The following SORCS2 variants were observed in gnomAD, a reference collection of about 807,000 sequenced individuals.
SORCS2 encodes the protein sortilin related VPS10 domain containing receptor 2.
A neutral mutation model predicts 141.6 loss-of-function variants in SORCS2; 100 were observed. The observed-to-expected ratio is 0.71, with a 90% CI of 0.60 to 0.83. The LOEUF (loss-of-function observed/expected upper bound fraction) is 0.83. SORCS2 is among the 40% of genes least tolerant of loss of function. The pLI, the probability that SORCS2 is intolerant of heterozygous loss-of-function variation, is 0.00. For missense variants in SORCS2, 1,646 were observed against 1,560.2 expected (o/e 1.05, Z -0.93); for synonymous variants, 789 against 676.9 (o/e 1.17, Z -2.57).
At chr4:7,524,151 G>A (rs551193245) in intron 2 of SORCS2, among the ~76,000 whole-genome samples, 1 of 152,314 alleles carries the variant, frequency 6.6e-6, no homozygotes, top group Admixed American at 6.5e-5. Context: ...CAGGGGTGAC[G>A]CTATTGGGTC....
chr4:7,468,371 C>A (rs1729749185), intron 2 of SORCS2, among the ~76,000 whole-genome samples: 1 of 152,240 alleles, frequency 6.6e-6, no homozygotes, highest in Non-Finnish European at 1.5e-5. Context: ...CCCCCTCACG[C>A]TATGTCTCCA....
chr4:7,204,008 G>A (rs996150647), intron 1 of SORCS2, among the ~76,000 whole-genome samples: 1 of 152,016 alleles, frequency 6.6e-6, no homozygotes, highest in Non-Finnish European at 1.5e-5. Flanking sequence ...CTTTTTTTAC[G>A]GCTGAGTAAT....
intron 2 of SORCS2, among the ~76,000 whole-genome samples, chr4:7,490,642 T>C (rs1731260992): frequency 6.6e-6 from 1 of 152,064 alleles, no homozygotes; most frequent in Admixed American, 6.5e-5. Context: ...CTCAGATAGC[T>C]CAGTTCCCAG....
intron 3 of SORCS2, among the ~76,000 whole-genome samples, chr4:7,600,259 C>A (rs530681729): frequency 1.3e-5 from 2 of 152,292 alleles, no homozygotes; most frequent in African/African-American, 4.8e-5. Flanking sequence ...AAACAACACG[C>A]ATTTATCTTA....
chr4:7,451,924 G>A (rs748614085), intron 2 of SORCS2, among the ~76,000 whole-genome samples: 1 of 152,170 alleles, frequency 6.6e-6, no homozygotes, highest in Non-Finnish European at 1.5e-5. Context: ...GGACAGGAGC[G>A]AGATCCCCTG....
At chr4:7,531,334 T>C (rs564358446) in intron 2 of SORCS2, among the ~76,000 whole-genome samples, 196 bp from the exon 3 acceptor site, 4 of 152,324 alleles carry the variant, frequency 2.6e-5, no homozygotes, top group African/African-American at 9.6e-5. Context: ...GAGTCCTCAG[T>C]GTTCCTGAGA....
intron 17 of SORCS2, among the ~76,000 whole-genome samples, chr4:7,716,028 G>A (rs1007760437): frequency 1.4e-4 from 22 of 152,362 alleles, no homozygotes; most frequent in African/African-American, 4.8e-4. Flanking sequence ...AAGCAGTTAC[G>A]ATGCTTTTCC....
chr4:7,610,803 C>T (rs796796391), intron 3 of SORCS2, among the ~76,000 whole-genome samples: 142 of 152,238 alleles, frequency 9.3e-4, no homozygotes, highest in African/African-American at 3.2e-3. Context: ...GGTAAAGTCC[C>T]GGGAGCCAAG....
At chr4:7,725,377 C>T (rs2148884657) in intron 20 of SORCS2, 90 bp downstream of exon 20, 1 of 1,484,894 alleles carries the variant, frequency 6.7e-7, no homozygotes, top group Non-Finnish European at 9.0e-7. Flanking sequence ...AGGTTTTCAG[C>T]AGAAGGAACC....
At chr4:7,463,930 A>T (rs1172027179) in intron 2 of SORCS2, among the ~76,000 whole-genome samples, 1 of 152,236 alleles carries the variant, frequency 6.6e-6, no homozygotes, top group Non-Finnish European at 1.5e-5. Context: ...GGCACCCCTG[A>T]GTCCCCACAC....
chr4:7,635,379 C>T (rs1009248050), intron 3 of SORCS2, among the ~76,000 whole-genome samples: 1 of 152,186 alleles, frequency 6.6e-6, no homozygotes, highest in African/African-American at 2.4e-5. Flanking sequence ...TTCTGTAAAT[C>T]TGAAACTATT....
In SORCS2 at chr4:7,737,093, C is replaced by T. The variant is rs766093542; in HGVS notation, c.3336C>T (p.Tyr1112=). ...FKRKRPGRTV[Y]AQMHNEKEQE... is the part of the protein sequence containing the mutation. ...GGAAACGGCCAGGCAGGACCGTGTA[C>T]GCCCAAATGCACAACGAGAAGGAGC... The change falls in exon 26 of 27, where the codon TAC becomes TAT. Residue 1112 remains tyrosine, a synonymous_variant. Coordinates refer to ENST00000507866, the MANE Select transcript of SORCS2 (RefSeq NM_020777.3). 6.2e-5 allele frequency: 96 copies of T among 1,551,322 alleles called. No homozygotes were observed. Among genetic ancestry groups the T allele is most frequent in the Admixed American group, 4.9e-4 (25 of 51,008 alleles).
intron 1 of SORCS2, among the ~76,000 whole-genome samples, chr4:7,258,691 T>G (rs1207053188): frequency 6.6e-6 from 1 of 152,242 alleles, no homozygotes; most frequent in Non-Finnish European, 1.5e-5. Context: ...CAAATGGTAT[T>G]TCTAGTTCTA....
intron 3 of SORCS2, among the ~76,000 whole-genome samples, chr4:7,549,222 A>G (rs1176983859): frequency 6.6e-6 from 1 of 152,162 alleles, no homozygotes; most frequent in East Asian, 1.9e-4. Context: ...TTAAAAAAAG[A>G]AAACATTCCT....
At chr4:7,679,081 C>A (rs554072269) in intron 9 of SORCS2, among the ~76,000 whole-genome samples, 3 of 152,270 alleles carry the variant, frequency 2.0e-5, no homozygotes, top group East Asian at 1.9e-4. Flanking sequence ...CTGCCCACGG[C>A]CAGTACTGTT....
chr4:7,419,925 G>A (rs1725928378), intron 2 of SORCS2, among the ~76,000 whole-genome samples: 2 of 152,202 alleles, frequency 1.3e-5, no homozygotes, highest in South Asian at 2.1e-4. Context: ...TCCTAGCCAG[G>A]TGCTTCCTGG....
At chr4:7,345,018 C>T (rs576347265) in intron 1 of SORCS2, among the ~76,000 whole-genome samples, 5 of 151,886 alleles carry the variant, frequency 3.3e-5, no homozygotes, top group Middle Eastern at 3.2e-3. Context: ...GCCTGTTGTC[C>T]CTCCTGCTGC....
At chr4:7,380,610 C>T (rs186370753) in intron 1 of SORCS2, among the ~76,000 whole-genome samples, 26 of 152,370 alleles carry the variant, frequency 1.7e-4, no homozygotes, top group South Asian at 4.1e-4. Flanking sequence ...TCTGCTGACC[C>T]GTGGCTAGAC....
At chr4:7,365,199 G>C (rs879298361) in intron 1 of SORCS2, among the ~76,000 whole-genome samples, 3 of 152,230 alleles carry the variant, frequency 2.0e-5, no homozygotes, top group Non-Finnish European at 4.4e-5. Flanking sequence ...TGAGCTGATA[G>C]GACTGGTATT....
Sources: allele counts gnomAD v4.1 joint callset (sites outside exome capture counted in the v4.1 genomes callset), GRCh38; gene constraint gnomAD v4.1.1; transcripts MANE v1.5; gene names NCBI Gene and HGNC (gene_info 2026-07-23, HGNC 2026-07-21).